TAF3: variants seen among roughly 807,000 people sequenced by gnomAD.
The protein encoded by TAF3 is TATA-box binding protein associated factor 3, also known as transcription initiation factor TFIID subunit 3.
A neutral mutation model predicts 80.6 loss-of-function variants in TAF3; 7 were observed. That is an observed-to-expected ratio of 0.09 (90% CI 0.05 to 0.16). The LOEUF (loss-of-function observed/expected upper bound fraction) is 0.16, where lower values mean the gene tolerates loss of function less well. Among genes scored for constraint, TAF3 ranks in the 10% least tolerant of loss-of-function variants. TAF3 has a pLI of 1.00. For missense variants in TAF3, 921 were observed against 1,140.2 expected (o/e 0.81, Z 2.77); for synonymous variants, 444 against 446.1 (o/e 1.00, Z 0.06).
At chr10:7,896,278 G>T (rs952056574) in intron 2 of TAF3, among the ~76,000 whole-genome samples, 3 of 152,216 alleles carry the variant, frequency 2.0e-5, no homozygotes, top group East Asian at 3.9e-4. Context: ...CTCCGTGAAT[G>T]GGGGGAAAAC....
At chr10:7,818,909 C>A in intron 1 of TAF3, 34 bp downstream of exon 1, 1 of 1,365,618 alleles carries the variant, frequency 7.3e-7, no homozygotes, top group Non-Finnish European at 9.4e-7. Flanking sequence ...AGGGCTGCCC[C>A]GGCAAGTCAA....
At chr10:7,822,398 G>T (rs372353141) in intron 1 of TAF3, among the ~76,000 whole-genome samples, 1 of 152,044 alleles carries the variant, frequency 6.6e-6, no homozygotes, top group South Asian at 2.1e-4. Flanking sequence ...TAGAAGAGAT[G>T]AAATGCCTGT....
rs551231695 is a variant in TAF3, at chr10:7,927,344, C to T, written c.410-36576C>T. On this transcript the variant is annotated intron_variant, in intron 2 of 6. Coordinates refer to ENST00000344293, the MANE Select transcript of TAF3 (RefSeq NM_031923.4). Reference sequence around the variant, plus strand: ...TTCTACGTGTTTTTCTGAACATCTTCCAACATGTTGGTGGTTGGAAGTCAC... The same window carrying T: ...TTCTACGTGTTTTTCTGAACATCTTTCAACATGTTGGTGGTTGGAAGTCAC... 3.9e-5 allele frequency among the ~76,000 whole-genome samples: 6 copies of T among 152,332 alleles called. No homozygotes were observed. In the East Asian group the frequency reaches 1.2e-3, roughly 29 times the overall value.
At chr10:7,859,311 TAAATAAAA>T (rs1266747080) in intron 2 of TAF3, among the ~76,000 whole-genome samples, 17 of 109,402 alleles carry the variant, frequency 1.6e-4, no homozygotes, top group African/African-American at 4.2e-4. Context: ...AATAAATAAA[TAAATAAAA>T]GAGAAGTGTG....
At chr10:7,873,140 T>A (rs1340233525) in intron 2 of TAF3, among the ~76,000 whole-genome samples, 2 of 152,212 alleles carry the variant, frequency 1.3e-5, no homozygotes, top group Non-Finnish European at 2.9e-5. Context: ...GCTTTAATAT[T>A]TGTAAAATAT....
chr10:7,938,028 T>C (rs1036653292), intron 2 of TAF3, among the ~76,000 whole-genome samples: 1 of 152,220 alleles, frequency 6.6e-6, no homozygotes, highest in Non-Finnish European at 1.5e-5. Flanking sequence ...TTTAGTGCTT[T>C]AAATCCCAGA....
At chr10:7,900,347 T>A (rs982640853) in intron 2 of TAF3, among the ~76,000 whole-genome samples, 3 of 152,246 alleles carry the variant, frequency 2.0e-5, no homozygotes, top group Non-Finnish European at 4.4e-5. Context: ...TTCAAAATCA[T>A]TCTTATAAGG....
At chr10:7,924,836 C>T (rs895085877) in intron 2 of TAF3, among the ~76,000 whole-genome samples, 2 of 151,868 alleles carry the variant, frequency 1.3e-5, no homozygotes, top group African/African-American at 2.4e-5. Context: ...ACATTTGTTT[C>T]ACTTTATCAT....
Position 8,014,953 on chromosome 10 carries a change from C to G in TAF3, c.*202C>G. 2.2e-6 allele frequency: 1 copy of G among 446,042 alleles called. No homozygotes were observed. The allele number at this position is 446,042 out of a possible 1,614,324, so 27.6% of individuals were successfully genotyped here. ...CTTGGCCTGTGGCTCCGTGGCAGTG[C>G]GACAGAAGGAAACTCAAGCAGAGGC... On this transcript the variant is annotated 3_prime_UTR_variant, in exon 7 of 7. Coordinates refer to ENST00000344293, the MANE Select transcript of TAF3 (RefSeq NM_031923.4).
rs1200353052 is a variant in TAF3 at position 7,833,728 on chromosome 10, TCTC to T, written c.409+9172_409+9174del. The T allele has an allele frequency of 1.1e-3, 239 of 225,718 alleles. 2 individuals carry two copies. The highest frequency in any genetic ancestry group is 1.5e-4 in the Non-Finnish European group (16 of 106,206). 14.0% of individuals were successfully genotyped at this position (225,718 alleles called of 1,614,324 possible). On this transcript the variant is annotated intron_variant, in intron 2 of 6. Coordinates refer to ENST00000344293, the MANE Select transcript of TAF3 (RefSeq NM_031923.4). ...CAACTAGCAAAGGCTCTGAAATTCT[TCTC>T]CTCAGTGGTGACTTGAGCTTTCTCC...
intron 2 of TAF3, among the ~76,000 whole-genome samples, chr10:7,921,339 T>TA (rs1375055441): frequency 1.3e-5 from 2 of 152,168 alleles, no homozygotes; most frequent in Non-Finnish European, 2.9e-5. Context: ...CTACTGCCTT[T>TA]AAAAATTCTC....
In TAF3 at chr10:7,902,117, A is replaced by G. The variant is rs1158222324; in HGVS notation, c.410-61803A>G. Among the ~76,000 whole-genome samples the G allele has an allele frequency of 6.6e-5, 10 of 152,256 alleles. 1 individual carries two copies. Among genetic ancestry groups the G allele is most frequent in the East Asian group, 3.9e-4 (2 of 5,174 alleles). The stretch of plus-strand genomic sequence containing the variant: ...TAACCACCAATTAACATATTTAGGG[A>G]CTTTAACATTGATGTAACATCACTG... On this transcript the variant is annotated intron_variant, in intron 2 of 6. Transcript: ENST00000344293.
chr10:7,849,867 A>G (rs1837010427), intron 2 of TAF3, among the ~76,000 whole-genome samples: 1 of 152,012 alleles, frequency 6.6e-6, no homozygotes, highest in African/African-American at 2.4e-5. Flanking sequence ...TTTTGTAGAT[A>G]CCAGGTTTTC....
rs1459860835 is a variant in TAF3 at position 8,016,142 on chromosome 10, A to G, written c.*1391A>G. 1 of 152,224 alleles carries G rather than the reference A, an allele frequency of 6.6e-6. No homozygotes were observed. The highest frequency in any genetic ancestry group is 1.5e-5 in the Non-Finnish European group (1 of 68,048). 9.4% of individuals were successfully genotyped at this position (152,224 alleles called of 1,614,324 possible). On this transcript the variant is annotated 3_prime_UTR_variant, in exon 7 of 7. Transcript: ENST00000344293. ...TTAACTTTATTAGCATATTTTAGCA[A>G]CTTTGGGATAAATACGGACTTTTAC... is the stretch of plus-strand genomic sequence containing the variant.
At chr10:8,000,654 C>T (rs775501119) in intron 4 of TAF3, among the ~76,000 whole-genome samples, 1 of 152,070 alleles carries the variant, frequency 6.6e-6, no homozygotes, top group Non-Finnish European at 1.5e-5. Context: ...TGGCACGCAC[C>T]TGTAGTCCCA....
chr10:7,978,995 C>T (rs116159800), intron 4 of TAF3, among the ~76,000 whole-genome samples: 1,965 of 151,978 alleles, frequency 0.013, 43 homozygotes, highest in African/African-American at 0.045. Context: ...GAGCTATGAT[C>T]GTGCCCACTG....
At chr10:7,984,861 T>C (rs900592340) in intron 4 of TAF3, among the ~76,000 whole-genome samples, 1 of 152,206 alleles carries the variant, frequency 6.6e-6, no homozygotes, top group Admixed American at 6.5e-5. Flanking sequence ...CTGATTATAA[T>C]TTCTCCTAAA....
At chr10:7,899,374 G>C (rs1016888047) in intron 2 of TAF3, among the ~76,000 whole-genome samples, 9 of 152,262 alleles carry the variant, frequency 5.9e-5, no homozygotes, top group African/African-American at 2.2e-4. Flanking sequence ...CACACATTCA[G>C]CAAGTCCCAT....
Position 7,873,627 on chromosome 10 carries a change from C to CCCCA in TAF3, c.409+49069_409+49070insCACC, listed in dbSNP as rs386740626. On this transcript the variant is annotated intron_variant, in intron 2 of 6. Coordinates refer to ENST00000344293, the MANE Select transcript of TAF3 (RefSeq NM_031923.4). ...AAGACATCCGAGTTCTCCCCCCCCCCCCGTCAAAAGGGGGTGTCGAATTTG... is the reference window on the plus strand; with the variant it reads ...AAGACATCCGAGTTCTCCCCCCCCCCCCCACCGTCAAAAGGGGGTGTCGAATTTG... Among the ~76,000 whole-genome samples, 18 of 149,056 alleles carry CCCCA rather than the reference C, an allele frequency of 1.2e-4. 2 individuals carry two copies. The highest frequency in any genetic ancestry group is 4.5e-4 in the African/African-American group (18 of 39,958).
Sources: gnomAD v4.1 joint callset for allele counts (sites outside exome capture counted in the v4.1 genomes callset) on GRCh38, gnomAD v4.1.1 for gene constraint, MANE v1.5 for transcripts, NCBI Gene and HGNC (gene_info 2026-07-23, HGNC 2026-07-21) for gene names.